Variants in NCALD observed in about 807,000 individuals in gnomAD.
The protein encoded by NCALD is neurocalcin-delta.
In NCALD, 10 loss-of-function variants were observed where a neutral mutation model predicts 18.6. That is an observed-to-expected ratio of 0.54 (90% CI 0.33 to 0.91). The LOEUF (loss-of-function observed/expected upper bound fraction) is 0.91, where lower values mean the gene tolerates loss of function less well. Ranked by LOEUF, NCALD falls within the 40% of genes least tolerant of loss-of-function variation. The pLI is 0.03. For synonymous variants in NCALD, 88 were observed against 87.4 expected, an observed-to-expected ratio of 1.01 and a Z score of -0.04; for missense variants, 184 against 247.6, an observed-to-expected ratio of 0.74 and a Z score of 1.72.
intron 4 of NCALD, among the ~76,000 whole-genome samples, chr8:101,856,072 G>A (rs533753331): frequency 6.6e-6 from 1 of 152,282 alleles, no homozygotes; most frequent in African/African-American, 2.4e-5. Context: ...AGCTTTGGAA[G>A]AGGAAAAGAT....
rs570372832 is a variant in NCALD, at chr8:101,954,064, C to T, written c.-156-38206G>A. ...CAGTCCTGGCCTTCTAAGGGCTTAG[C>T]ATCCAGCCGACATGGCAGACACTCA... On this transcript the variant is annotated intron_variant, in intron 2 of 6. Transcript: ENST00000311028. 2.6e-5 allele frequency among the ~76,000 whole-genome samples: 4 copies of T among 152,352 alleles called. No homozygotes were observed. In the South Asian group the frequency reaches 8.3e-4, roughly 32 times the overall value.
chr8:101,851,980 C>T (rs1815111131), intron 4 of NCALD, among the ~76,000 whole-genome samples: 1 of 152,006 alleles, frequency 6.6e-6, no homozygotes, highest in African/African-American at 2.4e-5. Flanking sequence ...ACATTCTTGC[C>T]CCTTCTACCA....
intron 1 of NCALD, among the ~76,000 whole-genome samples, chr8:102,048,033 G>T (rs1167686465): frequency 6.6e-6 from 1 of 152,194 alleles, no homozygotes; most frequent in Non-Finnish European, 1.5e-5. Flanking sequence ...AATGATGGAA[G>T]AAAGGTCTTT....
intron 1 of NCALD, among the ~76,000 whole-genome samples, chr8:101,765,062 T>C (rs1205909796): frequency 2.0e-5 from 3 of 152,300 alleles, no homozygotes; most frequent in Non-Finnish European, 4.4e-5. Flanking sequence ...CCTAATCGTA[T>C]AGAGCAGTAT....
chr8:101,833,989 C>A (rs1277306736), intron 4 of NCALD, among the ~76,000 whole-genome samples: 2 of 152,150 alleles, frequency 1.3e-5, no homozygotes, highest in Non-Finnish European at 1.5e-5. Context: ...AGCTTAACCA[C>A]CTGGGACAGA....
intron 2 of NCALD, among the ~76,000 whole-genome samples, chr8:101,987,128 G>GC (rs911892219): frequency 4.6e-5 from 7 of 152,136 alleles, no homozygotes; most frequent in Admixed American, 3.9e-4. Context: ...TAAGTGATAA[G>GC]CCCCCCAAAT....
intron 2 of NCALD, among the ~76,000 whole-genome samples, chr8:101,717,970 T>G (rs759012492): frequency 3.9e-5 from 6 of 152,226 alleles, no homozygotes; most frequent in Non-Finnish European, 7.3e-5. Context: ...TTTAATCTCT[T>G]TGATGATTTG....
chr8:101,946,617 C>T (rs1338374212), intron 2 of NCALD, among the ~76,000 whole-genome samples: 1 of 151,840 alleles, frequency 6.6e-6, no homozygotes, highest in East Asian at 1.9e-4. Flanking sequence ...ACTAATATTG[C>T]AGCAAGAACA....
Position 102,009,909 on chromosome 8 carries a change from A to G in NCALD, c.-157+10328T>C, listed in dbSNP as rs1413432323. Among the ~76,000 whole-genome samples, 7 of 152,246 alleles carry G rather than the reference A, an allele frequency of 4.6e-5. No homozygotes were observed. In the East Asian group the frequency reaches 1.2e-3, roughly 25 times the overall value. On this transcript the variant is annotated intron_variant, in intron 2 of 6. Coordinates refer to the NCALD transcript ENST00000311028. Reference sequence around the variant, plus strand: ...CACTGCTGGTATGTTCGAGCTGTACATGAGACACATTCACTTCAGGGGCAC... The same window carrying G: ...CACTGCTGGTATGTTCGAGCTGTACGTGAGACACATTCACTTCAGGGGCAC...
At chr8:101,743,966 C>T (rs2130719299) in intron 1 of NCALD, among the ~76,000 whole-genome samples, 1 of 152,202 alleles carries the variant, frequency 6.6e-6, no homozygotes, top group Middle Eastern at 3.4e-3. Context: ...TCCTTTAAAC[C>T]CGAGAGAAGT....
At chr8:102,084,295 CA>C (rs372174736) in intron 1 of NCALD, among the ~76,000 whole-genome samples, 27 of 152,312 alleles carry the variant, frequency 1.8e-4, no homozygotes, top group African/African-American at 6.5e-4. Context: ...TATGAGTCTG[CA>C]GCAACTTCAC....
chr8:101,931,320 T>C (rs987571388), intron 2 of NCALD, among the ~76,000 whole-genome samples: 5 of 152,196 alleles, frequency 3.3e-5, no homozygotes, highest in South Asian at 2.1e-4. Context: ...GCTCCTCCAA[T>C]AGACAAATGT....
intron 4 of NCALD, among the ~76,000 whole-genome samples, chr8:101,797,814 CAA>C (rs1182879392): frequency 2.3e-5 from 3 of 128,326 alleles, no homozygotes; most frequent in Non-Finnish European, 1.7e-5. Flanking sequence ...GACTCCATCT[CAA>C]AAAAAAAAAA....
At chr8:101,913,164 C>T (rs184228218) in intron 3 of NCALD, among the ~76,000 whole-genome samples, 57 of 152,210 alleles carry the variant, frequency 3.7e-4, no homozygotes, top group Non-Finnish European at 7.2e-4. Context: ...ACTCAGACTC[C>T]TGACCCAAGA....
At chr8:101,968,683 G>A (rs111438675) in intron 2 of NCALD, among the ~76,000 whole-genome samples, 4,108 of 152,064 alleles carry the variant, frequency 0.027, 81 homozygotes, top group Admixed American at 0.038. Context: ...TACTTCCTGT[G>A]CCTGCCATCT....
At chr8:101,845,512 C>T (rs374667484) in intron 4 of NCALD, among the ~76,000 whole-genome samples, 3 of 152,334 alleles carry the variant, frequency 2.0e-5, no homozygotes, top group South Asian at 2.1e-4. Context: ...AAGGATTATA[C>T]ATTTCAAATA....
At chr8:101,695,493 C>A (rs1814948581) in intron 2 of NCALD, among the ~76,000 whole-genome samples, 1 of 152,114 alleles carries the variant, frequency 6.6e-6, no homozygotes, top group Non-Finnish European at 1.5e-5. Flanking sequence ...ATGATACGCT[C>A]CTTGGTGTCC....
intron 2 of NCALD, among the ~76,000 whole-genome samples, chr8:101,946,062 A>T (rs1819158238): frequency 6.6e-6 from 1 of 152,202 alleles, no homozygotes; most frequent in African/African-American, 2.4e-5. Context: ...AGATGGAGGA[A>T]AATCTGCCTT....
At chr8:101,775,010 A>C (rs1811734214) in intron 1 of NCALD, among the ~76,000 whole-genome samples, 1 of 152,140 alleles carries the variant, frequency 6.6e-6, no homozygotes, top group Non-Finnish European at 1.5e-5. Flanking sequence ...GATTAGTCCC[A>C]TCCTTAGGTT....
Sources: allele counts gnomAD v4.1 joint callset (sites outside exome capture counted in the v4.1 genomes callset), GRCh38; gene constraint gnomAD v4.1.1; transcripts MANE v1.5; gene names NCBI Gene and HGNC (gene_info 2026-07-23, HGNC 2026-07-21).